Variants in CNTN1 observed in about 807,000 individuals in gnomAD.
The protein encoded by CNTN1 is contactin 1, also known as contactin-1.
In CNTN1, 38 loss-of-function variants were observed where a neutral mutation model predicts 126.4. That is an observed-to-expected ratio of 0.30 (90% CI 0.23 to 0.39). The LOEUF is 0.39. Ranked by LOEUF, CNTN1 falls within the 10% of genes least tolerant of loss-of-function variation. The probability of loss-of-function intolerance (pLI) is 1.00; values close to 1 mark genes in which losing one functional copy is unlikely to be tolerated. For missense variants in CNTN1, 1,009 were observed against 1,248.4 expected (o/e 0.81, Z 2.89); for synonymous variants, 413 against 422.6 (o/e 0.98, Z 0.28).
At chr12:40,707,288 G>A (rs184575515) in intron 1 of CNTN1, among the ~76,000 whole-genome samples, 10 of 117,542 alleles carry the variant, frequency 8.5e-5, no homozygotes, top group African/African-American at 2.8e-4. Flanking sequence ...TCGCTCCATC[G>A]CCCAGGCTGG....
rs1948657582 is a variant in CNTN1 at position 41,011,680 on chromosome 12, T to A, written c.2114-2548T>A. On this transcript the variant is annotated intron_variant, in intron 17 of 23. Transcript: ENST00000551295. ...CTAGACTTTGGGGCTCTCTGAAAAA[T>A]GGATCTTGGGAAAGACTATGTAACA... 2.0e-5 allele frequency among the ~76,000 whole-genome samples: 3 copies of A among 152,148 alleles called. No homozygotes were observed. The South Asian group carries it at 6.2e-4, about 32-fold the overall frequency.
chr12:40,890,498 C>A (rs1944203317), intron 1 of CNTN1, among the ~76,000 whole-genome samples: 1 of 151,928 alleles, frequency 6.6e-6, no homozygotes, highest in Non-Finnish European at 1.5e-5. Flanking sequence ...TCTGTGATCT[C>A]CCTATTCATT....
At chr12:41,024,932 T>C (rs541438356) in intron 20 of CNTN1, among the ~76,000 whole-genome samples, 1 of 152,294 alleles carries the variant, frequency 6.6e-6, no homozygotes, top group Admixed American at 6.5e-5. Context: ...TTTTGGGCAA[T>C]GAAGTAAGAC....
chr12:40,804,179 TA>T (rs1940757905), intron 1 of CNTN1, among the ~76,000 whole-genome samples: 2 of 152,116 alleles, frequency 1.3e-5, no homozygotes, highest in South Asian at 4.1e-4. Context: ...ACAGATCAGG[TA>T]AAAGCAGTGA....
chr12:40,729,812 A>C (rs1314906533), intron 1 of CNTN1: 29 of 199,936 alleles, frequency 1.5e-4, no homozygotes, highest in Non-Finnish European at 4.3e-5. Flanking sequence ...GCTCGGTTCC[A>C]CTATTCCTTG....
At chr12:40,791,086 C>T (rs1592090773) in intron 1 of CNTN1, among the ~76,000 whole-genome samples, 1 of 152,092 alleles carries the variant, frequency 6.6e-6, no homozygotes, top group Admixed American at 6.6e-5. Context: ...TACTTGTTTC[C>T]GTTAGCGTTA....
At chr12:40,911,428 A>T (rs1272863630) in intron 3 of CNTN1, among the ~76,000 whole-genome samples, 2 of 152,202 alleles carry the variant, frequency 1.3e-5, no homozygotes, top group Admixed American at 6.5e-5. Flanking sequence ...ATGGGGAAGA[A>T]GCAACAGCGG....
chr12:41,010,454 A>C (rs998780347), intron 17 of CNTN1, among the ~76,000 whole-genome samples: 2 of 152,298 alleles, frequency 1.3e-5, no homozygotes, highest in Middle Eastern at 3.4e-3. Context: ...AGCAGCTATT[A>C]GTGCCTCTGT....
chr12:40,764,413 G>A (rs1938995048), intron 1 of CNTN1, among the ~76,000 whole-genome samples: 1 of 152,002 alleles, frequency 6.6e-6, no homozygotes, highest in Admixed American at 6.6e-5. Flanking sequence ...TAAGAAAAGA[G>A]GTTTGTCTAT....
Position 40,924,487 on chromosome 12 carries a change from A to C in CNTN1, c.401-70A>C, listed in dbSNP as rs981375297. 1.4e-5 allele frequency: 12 copies of C among 853,866 alleles called. No homozygotes were observed. The African/African-American group carries it at 1.5e-4, about 11-fold the overall frequency. The allele number at this position is 853,866 out of a possible 1,614,324, so 52.9% of individuals were successfully genotyped here. A position where few individuals can be genotyped will look rare whatever the true frequency, so the allele number is the denominator to read the frequency against. On this transcript the variant is annotated intron_variant, in intron 5 of 23. Transcript: ENST00000551295. ...ACGAATGAGTTATTTGCTGAAAGGT[A>C]AAATTGATGAATGTCTCTCTTTCTA...
At chr12:41,065,571 G>A (rs1411399148) in intron 23 of CNTN1, among the ~76,000 whole-genome samples, 1 of 152,178 alleles carries the variant, frequency 6.6e-6, no homozygotes, top group East Asian at 1.9e-4. Context: ...TCTGAGGAGG[G>A]TGGAAATAAA....
At chr12:40,904,375 TTCC>T (rs1944733225) in intron 1 of CNTN1, among the ~76,000 whole-genome samples, 1 of 70,986 alleles carries the variant, frequency 1.4e-5, no homozygotes, top group Non-Finnish European at 2.8e-5. Context: ...CTTTCCTTCC[TTCC>T]TTCTTTCCTT....
intron 1 of CNTN1, among the ~76,000 whole-genome samples, chr12:40,857,570 T>A (rs947520648): frequency 6.6e-6 from 1 of 152,096 alleles, no homozygotes. Flanking sequence ...TAGACAGAAC[T>A]ATGGTGCTGC....
intron 5 of CNTN1, 27 bp downstream of exon 5, chr12:40,922,455 G>A: frequency 6.2e-7 from 1 of 1,609,594 alleles, no homozygotes; most frequent in Non-Finnish European, 8.5e-7. Flanking sequence ...TTTTAAAAAA[G>A]GGCAAGCGTG....
At position 41,021,268 on chromosome 12, in the gene CNTN1, G is replaced by A. The variant is rs772283285; in HGVS notation, c.2523+828G>A. The stretch of plus-strand genomic sequence containing the variant: ...ACTCAAGTTGTCTGATTCAAAGTTC[G>A]GGGTTTTATTGCCACACATCACAGA... On this transcript the variant is annotated intron_variant, in intron 20 of 23. Coordinates refer to ENST00000551295, the MANE Select transcript of CNTN1 (RefSeq NM_001843.4). Among the ~76,000 whole-genome samples the A allele has an allele frequency of 3.3e-5, 5 of 152,154 alleles. No individual in the cohort carries two copies. The South Asian group carries it at 1.0e-3, about 32-fold the overall frequency.
At chr12:40,873,565 G>A (rs1034379697) in intron 1 of CNTN1, among the ~76,000 whole-genome samples, 5 of 152,042 alleles carry the variant, frequency 3.3e-5, no homozygotes, top group Non-Finnish European at 7.4e-5. Context: ...TCTTCCAAAT[G>A]TTCCTGTTAA....
chr12:40,717,887 G>A (rs1162902440), intron 1 of CNTN1, among the ~76,000 whole-genome samples: 1 of 152,142 alleles, frequency 6.6e-6, no homozygotes, highest in African/African-American at 2.4e-5. Flanking sequence ...CAGCTTTAGT[G>A]AGCTTTGAAG....
rs71078300 is a variant in CNTN1, at chr12:41,051,893, AACACACACACAC to A, written c.2981-18030_2981-18019del. Among the ~76,000 whole-genome samples the A allele has an allele frequency of 6.0e-3, 812 of 134,582 alleles. 3 individuals carry two copies. Among genetic ancestry groups the A allele is most frequent in the South Asian group, 0.023 (92 of 4,066 alleles). The allele number at this position is 134,582 out of a possible 152,430, so 88.3% of individuals were successfully genotyped here. ...CATCTCCTAACATCCACCCCACACAAACACACACACACACACACACACACACACACACACACA... is the reference window on the plus strand; with the variant it reads ...CATCTCCTAACATCCACCCCACACAAACACACACACACACACACACACACA... On this transcript the variant is annotated intron_variant, in intron 23 of 23. Coordinates refer to ENST00000551295, the MANE Select transcript of CNTN1 (RefSeq NM_001843.4).
intron 1 of CNTN1, among the ~76,000 whole-genome samples, chr12:40,705,516 G>C (rs567731457): frequency 1.3e-5 from 2 of 151,698 alleles, no homozygotes; most frequent in African/African-American, 2.4e-5. Context: ...TTAGAATTCT[G>C]GGCAAAAGTA....
Sources: gnomAD v4.1 joint callset for allele counts (sites outside exome capture counted in the v4.1 genomes callset) on GRCh38, gnomAD v4.1.1 for gene constraint, MANE v1.5 for transcripts, NCBI Gene and HGNC (gene_info 2026-07-23, HGNC 2026-07-21) for gene names.